SFMBT2: variants seen among roughly 807,000 people sequenced by gnomAD.
SFMBT2 encodes the protein Scm like with four mbt domains 2.
SFMBT2 carries 38 observed loss-of-function variants against 110.1 expected under a neutral mutation model. That is an observed-to-expected ratio of 0.35 (90% CI 0.27 to 0.45). SFMBT2 has a LOEUF of 0.45. SFMBT2 is among the 20% of genes least tolerant of loss of function. The pLI is 1.00. For missense variants in SFMBT2, 1,011 were observed against 1,094.9 expected, an observed-to-expected ratio of 0.92 and a Z score of 1.08; for synonymous variants, 425 against 425.4, an observed-to-expected ratio of 1.00 and a Z score of 0.01.
chr10:7,334,455 T>C (rs1316680788), intron 4 of SFMBT2, among the ~76,000 whole-genome samples: 2 of 152,124 alleles, frequency 1.3e-5, no homozygotes, highest in Admixed American at 6.5e-5. Flanking sequence ...TGTACCAAAA[T>C]GGAACAATAC....
chr10:7,177,384 T>C (rs1838097954), intron 16 of SFMBT2, among the ~76,000 whole-genome samples: 1 of 152,178 alleles, frequency 6.6e-6, no homozygotes, highest in Admixed American at 6.5e-5. Context: ...TAAATCTAAC[T>C]GAGGGGCCTC....
At chr10:7,187,224 G>C (rs2692793) in intron 16 of SFMBT2, among the ~76,000 whole-genome samples, 1 of 151,990 alleles carries the variant, frequency 6.6e-6, no homozygotes, top group Admixed American at 6.5e-5. Flanking sequence ...TTAGGTGTAC[G>C]TGGACTGTAT....
rs1588753309 is a variant in SFMBT2, at chr10:7,163,671, T to C, written c.*99A>G. On this transcript the variant is annotated 3_prime_UTR_variant, in exon 21 of 21. Transcript: ENST00000397167. This position sits in a 1 kb window ranked among gnomAD's most constrained non-coding sequence, Gnocchi z 4.8. ...TGGTTTTCTGGTGATACTTAGTGGC[T>C]GTACCATTTAACATATCCCGGAAAA... 1 of 1,073,428 alleles carries C rather than the reference T, an allele frequency of 9.3e-7. No homozygotes were observed. The highest frequency in any genetic ancestry group is 2.1e-5 in the Admixed American group (1 of 48,256). The allele number at this position is 1,073,428 out of a possible 1,614,324, so 66.5% of individuals were successfully genotyped here.
intron 20 of SFMBT2, among the ~76,000 whole-genome samples, chr10:7,164,780 CA>C (rs1564361588): frequency 1.1e-4 from 16 of 151,316 alleles, no homozygotes; most frequent in African/African-American, 2.2e-4. Context: ...CACACACACA[CA>C]CACACACACA....
intron 2 of SFMBT2, among the ~76,000 whole-genome samples, chr10:7,376,335 A>G (rs113620492): frequency 6.6e-6 from 1 of 152,140 alleles, no homozygotes; most frequent in African/African-American, 2.4e-5. Flanking sequence ...TGTTCCTGGG[A>G]GAAAGAGTAA....
intron 16 of SFMBT2, among the ~76,000 whole-genome samples, chr10:7,186,474 A>ATATATATATATATAT (rs575700146): frequency 2.9e-5 from 4 of 139,198 alleles, no homozygotes; most frequent in South Asian, 4.3e-4. Flanking sequence ...ATATATATAT[A>ATATATATATATATAT]AAAATATTTT....
In SFMBT2 at chr10:7,213,696, T is replaced by TCAGATCCGTGTGCGAGGCCATGGGTGC. The variant is rs1564387137; in HGVS notation, c.1330+6714_1330+6715insGCACCCATGGCCTCGCACACGGATCTG. Among the ~76,000 whole-genome samples the TCAGATCCGTGTGCGAGGCCATGGGTGC allele has an allele frequency of 9.1e-3, 1,124 of 123,762 alleles. 5 individuals carry two copies. The highest frequency in any genetic ancestry group is 0.024 in the South Asian group (88 of 3,730). 81.2% of individuals were successfully genotyped at this position (123,762 alleles called of 152,430 possible). Reference sequence around the variant, plus strand: ...AGTTGTGAGTGTGAGGCCATGGGTGTGGGCACTCAGATCCGTGTGCGAGGC... The same window carrying TCAGATCCGTGTGCGAGGCCATGGGTGC: ...AGTTGTGAGTGTGAGGCCATGGGTGTCAGATCCGTGTGCGAGGCCATGGGTGCGGGCACTCAGATCCGTGTGCGAGGC... On this transcript the variant is annotated intron_variant, in intron 11 of 20. Coordinates refer to ENST00000397167, the MANE Select transcript of SFMBT2 (RefSeq NM_001387889.1).
intron 14 of SFMBT2, chr10:7,197,892 GT>G (rs1318670907): frequency 1.1e-6 from 1 of 875,370 alleles, no homozygotes; most frequent in Non-Finnish European, 1.4e-6. Context: ...CGTTAGAACT[GT>G]AATTAGGAGG....
intron 16 of SFMBT2, among the ~76,000 whole-genome samples, chr10:7,180,228 G>A (rs1199802594): frequency 1.3e-5 from 2 of 151,864 alleles, no homozygotes; most frequent in South Asian, 2.1e-4. Context: ...GGGTTCTAGC[G>A]ATTCTCATGC....
intron 9 of SFMBT2, among the ~76,000 whole-genome samples, chr10:7,233,697 G>C (rs1840176810): frequency 6.6e-6 from 1 of 152,172 alleles, no homozygotes; most frequent in South Asian, 2.1e-4. Context: ...GCACTTCGGG[G>C]CATTTTTGCA....
chr10:7,203,856 C>CA (rs1294756343), intron 12 of SFMBT2: 1 of 156,160 alleles, frequency 6.4e-6, no homozygotes, highest in African/African-American at 2.4e-5. Context: ...GCTGGAATGA[C>CA]AGGCATGCAC....
At chr10:7,248,445 G>T in intron 8 of SFMBT2, 103 bp downstream of exon 8, 2 of 952,906 alleles carry the variant, frequency 2.1e-6, no homozygotes, top group Non-Finnish European at 3.3e-6. Context: ...TGGCATTGCT[G>T]ATAGCCTTGC....
intron 12 of SFMBT2, chr10:7,203,144 C>T (rs1839013514): frequency 1.0e-6 from 1 of 955,520 alleles, no homozygotes. Context: ...CTCAGATAAT[C>T]CTACATCTTC....
intron 9 of SFMBT2, among the ~76,000 whole-genome samples, chr10:7,240,972 T>A (rs1399780255): frequency 6.6e-6 from 1 of 152,124 alleles, no homozygotes; most frequent in Non-Finnish European, 1.5e-5. Flanking sequence ...TCATCTTGAA[T>A]TGTAACTCCC....
At chr10:7,277,422 C>G (rs1321363184) in intron 6 of SFMBT2, 1 of 244,016 alleles carries the variant, frequency 4.1e-6, no homozygotes, top group Non-Finnish European at 6.6e-6. Context: ...GCAGTTATGA[C>G]AACATATTTT....
rs977231642 is a variant in SFMBT2, at chr10:7,158,887, T to C, written c.*4883A>G. Reference sequence around the variant, plus strand: ...ATAGGAATCCAATTTCAATACAAACTATTCAAACTAGAATGCAAAACAGTG... The same window carrying C: ...ATAGGAATCCAATTTCAATACAAACCATTCAAACTAGAATGCAAAACAGTG... On this transcript the variant is annotated 3_prime_UTR_variant, in exon 21 of 21. Transcript: ENST00000397167. 1 of 152,150 alleles carries C rather than the reference T, an allele frequency of 6.6e-6. No homozygotes were observed. Among genetic ancestry groups the C allele is most frequent in the African/African-American group, 2.4e-5 (1 of 41,434 alleles). 9.4% of individuals were successfully genotyped at this position (152,150 alleles called of 1,614,324 possible). A position where few individuals can be genotyped will look rare whatever the true frequency, so the allele number is the denominator to read the frequency against.
intron 1 of SFMBT2, among the ~76,000 whole-genome samples, chr10:7,386,326 C>T (rs371621932): frequency 3.9e-5 from 6 of 152,042 alleles, no homozygotes; most frequent in East Asian, 1.9e-4. Context: ...TAAAATTCTG[C>T]GTATGTGGGC....
At chr10:7,184,789 G>C (rs1469244932) in intron 16 of SFMBT2, among the ~76,000 whole-genome samples, 1 of 152,136 alleles carries the variant, frequency 6.6e-6, no homozygotes, top group Non-Finnish European at 1.5e-5. Flanking sequence ...GGTTCTTCAA[G>C]CTGAACTCAC....
intron 1 of SFMBT2, among the ~76,000 whole-genome samples, chr10:7,385,628 G>A (rs1328615881): frequency 1.3e-5 from 2 of 152,160 alleles, no homozygotes; most frequent in Non-Finnish European, 2.9e-5. Flanking sequence ...TAGAGCTATG[G>A]ACACAGGAGT....
Sources: allele counts gnomAD v4.1 joint callset (sites outside exome capture counted in the v4.1 genomes callset), GRCh38; gene constraint gnomAD v4.1.1; non-coding constraint Gnocchi (gnomAD v3.1); transcripts MANE v1.5; gene names NCBI Gene and HGNC (gene_info 2026-07-23, HGNC 2026-07-21).